Variants in NEO1 observed in about 807,000 individuals in gnomAD.
NEO1 encodes neogenin 1, also known as neogenin.
NEO1 carries 63 observed loss-of-function variants against 159.7 expected under a neutral mutation model. The observed-to-expected ratio is 0.39, with a 90% CI of 0.32 to 0.49. NEO1 has a LOEUF of 0.49. Among genes scored for constraint, NEO1 ranks in the 20% least tolerant of loss-of-function variants. The pLI, the probability that NEO1 is intolerant of heterozygous loss-of-function variation, is 0.85. For synonymous variants in NEO1, 633 were observed against 662.0 expected, an observed-to-expected ratio of 0.96 and a Z score of 0.67; for missense variants, 1,615 against 1,831.0, an observed-to-expected ratio of 0.88 and a Z score of 2.15.
chr15:73,088,687 T>C (rs1308458814), intron 1 of NEO1, among the ~76,000 whole-genome samples: 2 of 152,060 alleles, frequency 1.3e-5, no homozygotes, highest in Non-Finnish European at 2.9e-5. Context: ...TGTACAGTTA[T>C]AGTCACAGAC....
At chr15:73,258,623 C>G (rs915009629) in intron 13 of NEO1, 143 bp from the exon 14 acceptor site, 5 of 617,376 alleles carry the variant, frequency 8.1e-6, no homozygotes, top group Non-Finnish European at 1.4e-5. Flanking sequence ...TGCATTTTGC[C>G]TACACTGTAT....
At chr15:73,108,400 T>A (rs2151557239) in intron 1 of NEO1, among the ~76,000 whole-genome samples, 1 of 152,308 alleles carries the variant, frequency 6.6e-6, no homozygotes, top group South Asian at 2.1e-4. Context: ...CTTCAAGTCA[T>A]CTTGAGATCA....
chr15:73,107,015 G>T (rs1251950088), intron 1 of NEO1, among the ~76,000 whole-genome samples: 2 of 152,082 alleles, frequency 1.3e-5, no homozygotes, highest in Non-Finnish European at 2.9e-5. Context: ...AAACTCTTTT[G>T]TAGTGACTTT....
At chr15:73,066,859 C>T (rs1396109283) in intron 1 of NEO1, among the ~76,000 whole-genome samples, 1 of 152,194 alleles carries the variant, frequency 6.6e-6, no homozygotes, top group Non-Finnish European at 1.5e-5. Context: ...AGCTCTAGGC[C>T]AAAAGGAGCC....
At chr15:73,206,935 C>T (rs148142673) in intron 7 of NEO1, among the ~76,000 whole-genome samples, 113 of 152,150 alleles carry the variant, frequency 7.4e-4, no homozygotes, top group African/African-American at 2.6e-3. Context: ...CTCATTGCAG[C>T]TTTGAACTCC....
rs552324452 is a variant in NEO1 at position 73,240,201 on chromosome 15, CTT to C, written c.1451+3696_1451+3697del. ...AGGTTTTGACAAAAGAGAATTGAGA[CTT>C]ATTTTTTTTTAACTGTGTGTACTTT... On this transcript the variant is annotated intron_variant, in intron 8 of 28. Coordinates refer to ENST00000261908, the MANE Select transcript of NEO1 (RefSeq NM_002499.4). 5.3e-5 allele frequency among the ~76,000 whole-genome samples: 8 copies of C among 152,226 alleles called. No individual in the cohort carries two copies. In the East Asian group the frequency reaches 1.2e-3, roughly 22 times the overall value.
chr15:73,124,719 G>C (rs2029928625), intron 3 of NEO1, among the ~76,000 whole-genome samples: 1 of 152,046 alleles, frequency 6.6e-6, no homozygotes, highest in Admixed American at 6.6e-5. Context: ...CACCCCCAGT[G>C]TTTTCTCCTT....
intron 1 of NEO1, among the ~76,000 whole-genome samples, chr15:73,082,091 C>A (rs1468386514): frequency 6.6e-6 from 1 of 152,086 alleles, no homozygotes; most frequent in Non-Finnish European, 1.5e-5. Flanking sequence ...CCGGACTGGT[C>A]TCGAGCTCCT....
intron 5 of NEO1, among the ~76,000 whole-genome samples, chr15:73,164,110 C>G (rs1429031660): frequency 2.0e-5 from 3 of 151,202 alleles, no homozygotes; most frequent in African/African-American, 7.3e-5. Flanking sequence ...TCACTGCAAC[C>G]TCTGCCTCCC....
intron 5 of NEO1, among the ~76,000 whole-genome samples, chr15:73,163,432 T>C (rs959920345): frequency 5.9e-5 from 9 of 152,200 alleles, no homozygotes; most frequent in African/African-American, 2.2e-4. Context: ...GTGTGTATGC[T>C]TCCAGGTGTC....
chr15:73,215,320 A>C (rs1394904739), intron 7 of NEO1, among the ~76,000 whole-genome samples: 1 of 151,772 alleles, frequency 6.6e-6, no homozygotes, highest in Non-Finnish European at 1.5e-5. Flanking sequence ...ACTGTGTTGA[A>C]AAGAAGTGGT....
intron 7 of NEO1, among the ~76,000 whole-genome samples, chr15:73,232,859 T>C (rs1397246443): frequency 6.6e-6 from 1 of 152,184 alleles, no homozygotes; most frequent in Admixed American, 6.5e-5. Context: ...CACTGGTTTG[T>C]AGGGCCTGCG....
chr15:73,210,277 C>T (rs1201851886), intron 7 of NEO1, among the ~76,000 whole-genome samples: 1 of 152,154 alleles, frequency 6.6e-6, no homozygotes, highest in Non-Finnish European at 1.5e-5. Context: ...AGTGGTGATA[C>T]CCTTTAGCCT....
chr15:73,079,466 A>G (rs1312022971), intron 1 of NEO1, among the ~76,000 whole-genome samples: 1 of 152,198 alleles, frequency 6.6e-6, no homozygotes, highest in African/African-American at 2.4e-5. Flanking sequence ...GTACTATTCA[A>G]TCAATTTTGC....
chr15:73,123,474 G>A (rs1419334973), intron 3 of NEO1, among the ~76,000 whole-genome samples: 1 of 152,156 alleles, frequency 6.6e-6, no homozygotes, highest in Non-Finnish European at 1.5e-5. Context: ...GGGTTGGGTG[G>A]TAAGTGTTAA....
chr15:73,295,140 A>ATATG (rs1325143972), intron 26 of NEO1, among the ~76,000 whole-genome samples: 1 of 143,038 alleles, frequency 7.0e-6, no homozygotes, highest in African/African-American at 2.5e-5. Context: ...ATATATATAT[A>ATATG]TATGTAAAAA....
At chr15:73,269,935 C>T in intron 16 of NEO1, 75 bp from the exon 17 acceptor site, 2 of 1,147,038 alleles carry the variant, frequency 1.7e-6, no homozygotes, top group Admixed American at 3.5e-5. Context: ...CATTATATTA[C>T]CCTGCATTTC....
chr15:73,218,813 CTCT>C (rs1795508962), intron 7 of NEO1, among the ~76,000 whole-genome samples: 1 of 151,844 alleles, frequency 6.6e-6, no homozygotes, highest in South Asian at 2.1e-4. Flanking sequence ...TGATTCTTCT[CTCT>C]TTTTTTATTA....
intron 7 of NEO1, among the ~76,000 whole-genome samples, chr15:73,203,066 A>T (rs1409059600): frequency 6.6e-6 from 1 of 152,188 alleles, no homozygotes; most frequent in Admixed American, 6.5e-5. Context: ...AGATATTCTG[A>T]ATATGGATGT....
Sources: gnomAD v4.1 joint callset for allele counts (sites outside exome capture counted in the v4.1 genomes callset) on GRCh38, gnomAD v4.1.1 for gene constraint, MANE v1.5 for transcripts, NCBI Gene and HGNC (gene_info 2026-07-23, HGNC 2026-07-21) for gene names.